The following THSD7A variants were observed in gnomAD, a reference collection of about 807,000 sequenced individuals.
THSD7A encodes thrombospondin type 1 domain containing 7A, also known as thrombospondin type-1 domain-containing protein 7A.
THSD7A carries 96 observed loss-of-function variants against 231.3 expected under a neutral mutation model. The observed-to-expected ratio is 0.41, with a 90% CI of 0.35 to 0.49. The LOEUF is 0.49. Ranked by LOEUF, THSD7A falls within the 20% of genes least tolerant of loss-of-function variation. The pLI is 0.05. For synonymous variants in THSD7A, 940 were observed against 743.3 expected, an observed-to-expected ratio of 1.26 and a Z score of -4.30; for missense variants, 2,290 against 2,070.2, an observed-to-expected ratio of 1.11 and a Z score of -2.06.
chr7:11,517,673 G>T (rs1788089894), intron 6 of THSD7A, among the ~76,000 whole-genome samples: 1 of 152,130 alleles, frequency 6.6e-6, no homozygotes, highest in Admixed American at 6.5e-5. Context: ...CAACTTAATA[G>T]AAGTCTTTAT....
At chr7:11,722,953 T>C (rs539993177) in intron 1 of THSD7A, among the ~76,000 whole-genome samples, 3 of 152,058 alleles carry the variant, frequency 2.0e-5, no homozygotes, top group Non-Finnish European at 4.4e-5. Flanking sequence ...GAAATACCAT[T>C]TGACCCAGCC....
At chr7:11,548,656 A>G (rs1789497657) in intron 4 of THSD7A, among the ~76,000 whole-genome samples, 1 of 152,090 alleles carries the variant, frequency 6.6e-6, no homozygotes, top group African/African-American at 2.4e-5. Flanking sequence ...AGAAAGCTGA[A>G]CCACCACAAT....
In THSD7A at chr7:11,481,979, T is replaced by C. The variant is rs369464375; in HGVS notation, c.1826A>G (p.Glu609Gly). 17 of 1,590,590 alleles carry C rather than the reference T, an allele frequency of 1.1e-5. No individual in the cohort carries two copies. The highest frequency in any genetic ancestry group is 1.5e-5 in the Non-Finnish European group (17 of 1,166,504). Residue 609 changes from glutamate (E) to glycine (G), a missense_variant, in exon 7 of 28, where the codon GAA (glutamate) becomes GGA (glycine). Coordinates refer to ENST00000423059, the MANE Select transcript of THSD7A (RefSeq NM_015204.3). ...QEVVCINSDG[E>G]EVDRQLCRDA... Reference sequence around the variant, plus strand: ...TCTGCACAGCTGTCTGTCAACTTCTTCTCCTGGGGAAAACATGACCACCAA... The same window carrying C: ...TCTGCACAGCTGTCTGTCAACTTCTCCTCCTGGGGAAAACATGACCACCAA...
intron 10 of THSD7A, among the ~76,000 whole-genome samples, chr7:11,460,982 T>A (rs1395095428): frequency 2.6e-5 from 4 of 152,192 alleles, no homozygotes; most frequent in Non-Finnish European, 5.9e-5. Context: ...CAAGAGTACA[T>A]CATTGTCAAG....
intron 1 of THSD7A, among the ~76,000 whole-genome samples, chr7:11,726,028 AAC>A (rs1162460421): frequency 3.3e-5 from 5 of 151,856 alleles, no homozygotes; most frequent in Non-Finnish European, 7.4e-5. Context: ...TGTGTTATCA[AAC>A]AGTTTTATCA....
chr7:11,714,087 G>T (rs1781053170), intron 1 of THSD7A, among the ~76,000 whole-genome samples: 1 of 151,090 alleles, frequency 6.6e-6, no homozygotes, highest in South Asian at 2.1e-4. Flanking sequence ...GTTAATGAAG[G>T]TCACAGTCAA....
intron 6 of THSD7A, 28 bp from the exon 7 acceptor site, chr7:11,482,010 A>G: frequency 6.4e-7 from 1 of 1,551,730 alleles, no homozygotes; most frequent in Non-Finnish European, 8.7e-7. Context: ...ACCAACAGCT[A>G]TTATTGTTAA....
intron 1 of THSD7A, among the ~76,000 whole-genome samples, chr7:11,790,829 G>A (rs1201748913): frequency 6.6e-6 from 1 of 151,692 alleles, no homozygotes; most frequent in African/African-American, 2.4e-5. Context: ...TGAGGCAACA[G>A]GTTATTTTTC....
At chr7:11,740,931 A>C (rs1039673286) in intron 1 of THSD7A, among the ~76,000 whole-genome samples, 1 of 151,984 alleles carries the variant, frequency 6.6e-6, no homozygotes, top group Non-Finnish European at 1.5e-5. Flanking sequence ...GAACATGTGA[A>C]TTACATAACG....
At chr7:11,430,788 A>G (rs1281837709) in intron 13 of THSD7A, among the ~76,000 whole-genome samples, 4 of 152,092 alleles carry the variant, frequency 2.6e-5, no homozygotes, top group Non-Finnish European at 5.9e-5. Flanking sequence ...ACTTAGTATA[A>G]TGTTTTCAAG....
chr7:11,468,361 G>A (rs1583798313), intron 9 of THSD7A, among the ~76,000 whole-genome samples: 1 of 150,930 alleles, frequency 6.6e-6, no homozygotes, highest in African/African-American at 2.4e-5. Flanking sequence ...CAATTCTACT[G>A]CCAACTGTGA....
intron 1 of THSD7A, among the ~76,000 whole-genome samples, chr7:11,721,000 T>C (rs1222375317): frequency 6.6e-6 from 1 of 151,872 alleles, no homozygotes; most frequent in Non-Finnish European, 1.5e-5. Flanking sequence ...CATATAATCT[T>C]GTGCCTTTGA....
chr7:11,735,127 C>T (rs1781869206), intron 1 of THSD7A, among the ~76,000 whole-genome samples: 1 of 151,838 alleles, frequency 6.6e-6, no homozygotes, highest in Non-Finnish European at 1.5e-5. Flanking sequence ...ATTCTTAGTA[C>T]TCTTGGAGTG....
chr7:11,376,766 C>A, intron 26 of THSD7A, 109 bp from the exon 27 acceptor site: 1 of 640,416 alleles, frequency 1.6e-6, no homozygotes, highest in Admixed American at 3.0e-5. Context: ...TTTCAAAACC[C>A]GAAAAGAATT....
intron 1 of THSD7A, among the ~76,000 whole-genome samples, chr7:11,792,452 A>T (rs945615372): frequency 5.9e-5 from 9 of 151,910 alleles, no homozygotes; most frequent in African/African-American, 1.9e-4. Flanking sequence ...TTTATTACCA[A>T]CTTTCCTCCC....
intron 1 of THSD7A, among the ~76,000 whole-genome samples, chr7:11,778,207 T>C (rs991874136): frequency 1.4e-5 from 2 of 139,326 alleles, no homozygotes; most frequent in Non-Finnish European, 3.2e-5. Flanking sequence ...ACTAGAAACA[T>C]GAACAGATTT....
chr7:11,677,204 G>C (rs1465731594), intron 1 of THSD7A, among the ~76,000 whole-genome samples: 1 of 152,040 alleles, frequency 6.6e-6, no homozygotes, highest in Non-Finnish European at 1.5e-5. Context: ...ATCTATTACA[G>C]ACAAGAAAAT....
In THSD7A at chr7:11,374,395, A is replaced by AAATC. The variant is rs1782181102; in HGVS notation, c.*1395_*1398dup. The AAATC allele has an allele frequency of 1.3e-5, 2 of 152,088 alleles. No individual in the cohort carries two copies. The highest frequency in any genetic ancestry group is 2.4e-5 in the African/African-American group (1 of 41,434). The allele number at this position is 152,088 out of a possible 1,614,324, so 9.4% of individuals were successfully genotyped here. ...CTTCTCTTTTAAAATTTTAGTTTTG[A>AAATC]AATCATACATTGAAGAGAGAGATTG... is the stretch of plus-strand genomic sequence containing the variant. On this transcript the variant is annotated 3_prime_UTR_variant, in exon 28 of 28. Transcript: ENST00000423059.
intron 23 of THSD7A, among the ~76,000 whole-genome samples, chr7:11,395,656 T>C (rs903594521): frequency 2.6e-5 from 4 of 151,818 alleles, no homozygotes; most frequent in African/African-American, 7.3e-5. Context: ...GCCTCCCGAG[T>C]AGCTGGGACT....
Sources: gnomAD v4.1 joint callset for allele counts (sites outside exome capture counted in the v4.1 genomes callset) on GRCh38, gnomAD v4.1.1 for gene constraint, MANE v1.5 for transcripts, NCBI Gene and HGNC (gene_info 2026-07-23, HGNC 2026-07-21) for gene names.